TMEM132C: variants seen among roughly 807,000 people sequenced by gnomAD.
The protein encoded by TMEM132C is protein phosphatase 1, regulatory subunit 152.
Under a neutral mutation model 61.4 loss-of-function variants are expected in TMEM132C, and 29 were observed. That is an observed-to-expected ratio of 0.47 (90% confidence interval 0.35 to 0.64). The LOEUF (loss-of-function observed/expected upper bound fraction) is 0.64. TMEM132C is among the 30% of genes least tolerant of loss of function. The pLI, the probability that TMEM132C is intolerant of heterozygous loss-of-function variation, is 0.00. For synonymous variants in TMEM132C, 656 were observed against 633.1 expected, an observed-to-expected ratio of 1.04 and a Z score of -0.54; for missense variants, 1,408 against 1,476.9, an observed-to-expected ratio of 0.95 and a Z score of 0.76.
chr12:128,404,935 A>G (rs1203194745), intron 1 of TMEM132C: 1 of 131,254 alleles, frequency 7.6e-6, no homozygotes, highest in East Asian at 2.4e-4. Flanking sequence ...GCAGGTACAG[A>G]TAAAGAAAAT....
At chr12:128,700,479 T>G (rs1239002496) in intron 8 of TMEM132C, among the ~76,000 whole-genome samples, 2 of 152,164 alleles carry the variant, frequency 1.3e-5, no homozygotes, top group Non-Finnish European at 2.9e-5. Context: ...CAGGGGCTTT[T>G]TTATGTTAAC....
chr12:128,681,817 A>ATTTTT (rs35154554), intron 5 of TMEM132C, among the ~76,000 whole-genome samples: 16 of 86,444 alleles, frequency 1.9e-4, no homozygotes, highest in Non-Finnish European at 2.3e-4. Context: ...CCACGCCTGG[A>ATTTTT]TTTTTTTTTT....
chr12:128,400,901 A>G (rs1593040187), intron 1 of TMEM132C, among the ~76,000 whole-genome samples: 1 of 151,984 alleles, frequency 6.6e-6, no homozygotes, highest in South Asian at 2.1e-4. Flanking sequence ...AAGCCACCGC[A>G]CCTGCCTGCC....
At chr12:128,577,667 A>C (rs1290436853) in intron 3 of TMEM132C, among the ~76,000 whole-genome samples, 1 of 152,234 alleles carries the variant, frequency 6.6e-6, no homozygotes, top group Admixed American at 6.5e-5. Flanking sequence ...TCTCCGCTCC[A>C]GCCTTGCCCT....
At chr12:128,561,081 C>T (rs1037200949) in intron 3 of TMEM132C, among the ~76,000 whole-genome samples, 1 of 152,216 alleles carries the variant, frequency 6.6e-6, no homozygotes, top group African/African-American at 2.4e-5. Context: ...TCTTTCCTTC[C>T]CCCAGACCTC....
intron 1 of TMEM132C, among the ~76,000 whole-genome samples, chr12:128,361,753 A>G (rs1873714974): frequency 6.6e-6 from 1 of 151,582 alleles, no homozygotes; most frequent in Non-Finnish European, 1.5e-5. Flanking sequence ...TCCAAAATAC[A>G]CTTCAGTGAA....
At chr12:128,653,593 A>C (rs1047486355) in intron 4 of TMEM132C, among the ~76,000 whole-genome samples, 1 of 152,156 alleles carries the variant, frequency 6.6e-6, no homozygotes, top group Admixed American at 6.5e-5. Flanking sequence ...CATACTTAGT[A>C]GCTGCCAGTT....
chr12:128,301,941 A>T (rs1278721884), intron 1 of TMEM132C, among the ~76,000 whole-genome samples: 8 of 152,296 alleles, frequency 5.3e-5, no homozygotes, highest in Admixed American at 2.6e-4. Flanking sequence ...TGAAAGAGGA[A>T]ACCACTTATA....
chr12:128,347,441 T>TCTCTCCCTCTCTCTCTCTC (rs1873204434), intron 1 of TMEM132C, among the ~76,000 whole-genome samples: 8 of 120,666 alleles, frequency 6.6e-5, no homozygotes, highest in African/African-American at 3.6e-4. Flanking sequence ...CTCTCTCTCC[T>TCTCTCCCTCTCTCTCTCTC]TCTTTCTGAC....
intron 1 of TMEM132C, among the ~76,000 whole-genome samples, chr12:128,285,054 G>A (rs557489645): frequency 1.9e-4 from 29 of 152,138 alleles, no homozygotes; most frequent in Non-Finnish European, 3.7e-4. Context: ...TGAGGTAGGA[G>A]GATTGTTGAC....
chr12:128,647,038 G>T (rs1255338821), intron 4 of TMEM132C, among the ~76,000 whole-genome samples: 1 of 152,134 alleles, frequency 6.6e-6, no homozygotes, highest in African/African-American at 2.4e-5. Flanking sequence ...TTGGATGTGA[G>T]TGTGTTTACT....
intron 5 of TMEM132C, among the ~76,000 whole-genome samples, chr12:128,677,286 T>A (rs1566012315): frequency 1.3e-5 from 2 of 152,186 alleles, no homozygotes; most frequent in Non-Finnish European, 2.9e-5. Flanking sequence ...TAAACACAGA[T>A]GTGCCGGCCA....
chr12:128,660,207 G>A (rs2135619997), intron 4 of TMEM132C, among the ~76,000 whole-genome samples: 1 of 152,308 alleles, frequency 6.6e-6, no homozygotes, highest in South Asian at 2.1e-4. Flanking sequence ...GAAATGAAAG[G>A]AAGATGGTGT....
At chr12:128,611,362 T>C (rs1459910026) in intron 3 of TMEM132C, among the ~76,000 whole-genome samples, 1 of 152,210 alleles carries the variant, frequency 6.6e-6, no homozygotes, top group Non-Finnish European at 1.5e-5. Flanking sequence ...CATTTATTGT[T>C]TCATTTCTTC....
chr12:128,400,782 C>A (rs1875129600), intron 1 of TMEM132C, among the ~76,000 whole-genome samples: 1 of 151,752 alleles, frequency 6.6e-6, no homozygotes, highest in Admixed American at 6.6e-5. Flanking sequence ...CTAATTTTTG[C>A]ATTTTTTTGT....
chr12:128,500,338 G>A (rs1423847080), intron 2 of TMEM132C, among the ~76,000 whole-genome samples: 3 of 152,042 alleles, frequency 2.0e-5, no homozygotes, highest in Non-Finnish European at 2.9e-5. Flanking sequence ...AGATAAAATA[G>A]ATCAACCAGA....
At chr12:128,498,302 G>A (rs1872037986) in intron 2 of TMEM132C, among the ~76,000 whole-genome samples, 1 of 152,052 alleles carries the variant, frequency 6.6e-6, no homozygotes, top group Admixed American at 6.6e-5. Context: ...GCAGGAAAAA[G>A]AAATAAAAGG....
chr12:128,707,556 C>T lies in TMEM132C; in HGVS notation c.*1261C>T, dbSNP rs966022356. On this transcript the variant is annotated 3_prime_UTR_variant, in exon 9 of 9. Transcript: ENST00000435159. Reference sequence around the variant, plus strand: ...TGTGTAGCAGCACATTGCAAAAATGCATTCATCCAAAGCGACACATGTGGC... The same window carrying T: ...TGTGTAGCAGCACATTGCAAAAATGTATTCATCCAAAGCGACACATGTGGC... The T allele has an allele frequency of 3.3e-5, 5 of 152,156 alleles. No individual in the cohort carries two copies. The highest frequency in any genetic ancestry group is 1.5e-5 in the Non-Finnish European group (1 of 68,026). The allele number at this position is 152,156 out of a possible 1,614,324, so 9.4% of individuals were successfully genotyped here. A position where few individuals can be genotyped will look rare whatever the true frequency, so the allele number is the denominator to read the frequency against.
chr12:128,552,982 G>C (rs1163605744), intron 3 of TMEM132C, among the ~76,000 whole-genome samples: 2 of 152,222 alleles, frequency 1.3e-5, no homozygotes, highest in African/African-American at 2.4e-5. Flanking sequence ...GCAAGAGGCT[G>C]TGTGCTTGCC....
Sources: gnomAD v4.1 joint callset for allele counts (sites outside exome capture counted in the v4.1 genomes callset) on GRCh38, gnomAD v4.1.1 for gene constraint, MANE v1.5 for transcripts, NCBI Gene and HGNC (gene_info 2026-07-23, HGNC 2026-07-21) for gene names.